Variants in STARD13 observed in about 807,000 individuals in gnomAD.
STARD13 encodes the protein stAR-related lipid transfer protein 13.
Under a neutral mutation model 106.4 loss-of-function variants are expected in STARD13, and 62 were observed. That is an observed-to-expected ratio of 0.58 (90% confidence interval 0.48 to 0.72). The LOEUF (loss-of-function observed/expected upper bound fraction) is 0.72. Among genes scored for constraint, STARD13 ranks in the 30% least tolerant of loss-of-function variants. The probability of loss-of-function intolerance (pLI) is 0.00; values close to 1 mark genes in which losing one functional copy is unlikely to be tolerated. For missense variants in STARD13, 1,387 were observed against 1,424.0 expected (o/e 0.97, Z 0.42); for synonymous variants, 565 against 553.0 (o/e 1.02, Z -0.31).
intron 1 of STARD13, among the ~76,000 whole-genome samples, chr13:33,332,766 T>A (rs2077851589): frequency 6.6e-6 from 1 of 152,204 alleles, no homozygotes; most frequent in Non-Finnish European, 1.5e-5. Context: ...CATAATATGC[T>A]AATTACAACA....
chr13:33,674,082 A>G, the STARD13 span, among the ~76,000 whole-genome samples: 57 of 150,082 alleles, frequency 3.8e-4, no homozygotes, highest in African/African-American at 1.3e-3. Context: ...CTGGTCTCCA[A>G]CTCCTGACCT....
At chr13:33,428,648 CA>C in the STARD13 span, among the ~76,000 whole-genome samples, 1 of 151,854 alleles carries the variant, frequency 6.6e-6, no homozygotes, top group Admixed American at 6.6e-5. Flanking sequence ...TGTCTTTTAT[CA>C]AAAAAACAGG....
chr13:33,190,102 T>C lies in STARD13; in HGVS notation c.170-22480A>G, dbSNP rs191952678. Among the ~76,000 whole-genome samples, 88 of 152,262 alleles carry C rather than the reference T, an allele frequency of 5.8e-4. 1 individual carries two copies. The highest frequency in any genetic ancestry group is 1.3e-4 in the Non-Finnish European group (9 of 68,018). ...CTAAAGGTCTATCATGGCTAGTGAA[T>C]ACCAATTTGGGCTTTATTTTACCCT... On this transcript the variant is annotated intron_variant, in intron 1 of 13. Coordinates refer to ENST00000336934, the MANE Select transcript of STARD13 (RefSeq NM_178006.4).
rs7323031 is a variant in STARD13 at position 33,201,511 on chromosome 13, A to G, written c.170-33889T>C. The stretch of plus-strand genomic sequence containing the variant: ...GCCAAAAAACTTCCACAATTTACAT[A>G]GTTTTCTTCATAGTATTTGAACAAG... On this transcript the variant is annotated intron_variant, in intron 1 of 13. Transcript: ENST00000336934. 9.3e-4 allele frequency among the ~76,000 whole-genome samples: 142 copies of G among 152,330 alleles called. 1 individual carries two copies. The highest frequency in any genetic ancestry group is 3.4e-3 in the Middle Eastern group (1 of 294).
intron 1 of STARD13, among the ~76,000 whole-genome samples, chr13:33,228,950 A>G (rs924445235): frequency 6.6e-6 from 1 of 152,214 alleles, no homozygotes; most frequent in African/African-American, 2.4e-5. Context: ...CAAATTGCAA[A>G]ACTTATGAAA....
the STARD13 span, among the ~76,000 whole-genome samples, chr13:33,434,366 A>AAG: frequency 6.6e-6 from 1 of 151,122 alleles, no homozygotes; most frequent in African/African-American, 2.4e-5. Flanking sequence ...AAAAAAAAAA[A>AAG]AAAAAAAGAA....
chr13:33,438,644 A>G, the STARD13 span, among the ~76,000 whole-genome samples: 1 of 152,298 alleles, frequency 6.6e-6, no homozygotes, highest in East Asian at 1.9e-4. Context: ...ACAAAGTTCT[A>G]GCCAGTCATT....
intron 1 of STARD13, among the ~76,000 whole-genome samples, chr13:33,230,999 A>T (rs1888890816): frequency 6.6e-6 from 1 of 152,206 alleles, no homozygotes; most frequent in Non-Finnish European, 1.5e-5. Flanking sequence ...CCAACTGGAG[A>T]GATTGGGACA....
chr13:33,595,935 C>T, the STARD13 span, among the ~76,000 whole-genome samples: 34,141 of 152,074 alleles, frequency 0.22, 4,884 homozygotes, highest in East Asian at 0.39. Context: ...GAAGAGCCCA[C>T]TCTTTATTTC....
the STARD13 span, among the ~76,000 whole-genome samples, chr13:33,514,095 A>G: frequency 6.6e-6 from 1 of 152,200 alleles, no homozygotes; most frequent in African/African-American, 2.4e-5. Context: ...CATTACACAC[A>G]TGATTCTCTC....
chr13:33,111,755 G>T, intron 10 of STARD13, 23 bp downstream of exon 10: 1 of 1,468,526 alleles, frequency 6.8e-7, no homozygotes, highest in Non-Finnish European at 9.5e-7. Flanking sequence ...CTAGGGAGGC[G>T]GAGGTTCGAG....
intron 4 of STARD13, among the ~76,000 whole-genome samples, chr13:33,133,364 A>T (rs1878590717): frequency 6.6e-6 from 1 of 152,220 alleles, no homozygotes; most frequent in Non-Finnish European, 1.5e-5. Context: ...AACTCCTGGG[A>T]AAAAAGGAAA....
At chr13:33,406,854 C>T in the STARD13 span, among the ~76,000 whole-genome samples, 2 of 152,124 alleles carry the variant, frequency 1.3e-5, no homozygotes, top group East Asian at 1.9e-4. Flanking sequence ...CAGCCAGGCA[C>T]GGGTGCATCA....
chr13:33,637,493 C>T, the STARD13 span, among the ~76,000 whole-genome samples: 1 of 152,176 alleles, frequency 6.6e-6, no homozygotes, highest in Non-Finnish European at 1.5e-5. Context: ...ACACATAGCC[C>T]TCTGAAGAAT....
chr13:33,258,954 C>T (rs1890503608), intron 1 of STARD13, among the ~76,000 whole-genome samples: 1 of 152,242 alleles, frequency 6.6e-6, no homozygotes, highest in Non-Finnish European at 1.5e-5. Context: ...TCTGTTCTAT[C>T]TTTGCTGGGC....
chr13:33,371,376 T>G, the STARD13 span, among the ~76,000 whole-genome samples: 2 of 152,238 alleles, frequency 1.3e-5, no homozygotes, highest in Non-Finnish European at 2.9e-5. Flanking sequence ...GATTTCATAC[T>G]AGACAGCATT....
chr13:33,165,543 T>A, intron 2 of STARD13, 125 bp from the exon 3 acceptor site: 1 of 731,362 alleles, frequency 1.4e-6, no homozygotes, highest in African/African-American at 1.8e-5. Flanking sequence ...TCATCATTGT[T>A]GGGAATGTTT....
chr13:33,119,780 TTTATTC>T (rs1875983657), intron 7 of STARD13, among the ~76,000 whole-genome samples: 1 of 152,234 alleles, frequency 6.6e-6, no homozygotes, highest in African/African-American at 2.4e-5. Flanking sequence ...TACTTTCTTT[TTTATTC>T]TTAAAGTTTG....
the STARD13 span, among the ~76,000 whole-genome samples, chr13:33,603,898 G>C: frequency 2.6e-5 from 4 of 152,066 alleles, no homozygotes; most frequent in Non-Finnish European, 5.9e-5. Context: ...ACCACATTTA[G>C]AGTTCCTAAA....
Sources: gnomAD v4.1 joint callset for allele counts (sites outside exome capture counted in the v4.1 genomes callset) on GRCh38, gnomAD v4.1.1 for gene constraint, MANE v1.5 for transcripts, NCBI Gene and HGNC (gene_info 2026-07-23, HGNC 2026-07-21) for gene names.